KLF12: variants seen among roughly 807,000 people sequenced by gnomAD.
KLF12 encodes the protein Krueppel-like factor 12.
Under a neutral mutation model 37.8 loss-of-function variants are expected in KLF12, and 9 were observed. That is an observed-to-expected ratio of 0.24 (90% CI 0.14 to 0.42). The LOEUF (loss-of-function observed/expected upper bound fraction) is 0.42, where lower values mean the gene tolerates loss of function less well. KLF12 is among the 10% of genes least tolerant of loss of function. The pLI, the probability that KLF12 is intolerant of heterozygous loss-of-function variation, is 1.00. For missense variants in KLF12, 411 were observed against 516.0 expected (o/e 0.80, Z 1.97); for synonymous variants, 208 against 202.1 (o/e 1.03, Z -0.25).
intron 6 of KLF12, among the ~76,000 whole-genome samples, chr13:73,737,805 C>T (rs902976750): frequency 5.9e-5 from 9 of 151,878 alleles, no homozygotes; most frequent in African/African-American, 1.9e-4. Context: ...AGTATGTACA[C>T]TATCAATAAG....
chr13:73,931,302 T>C (rs1889663523), intron 3 of KLF12, among the ~76,000 whole-genome samples: 1 of 152,236 alleles, frequency 6.6e-6, no homozygotes, highest in Admixed American at 6.5e-5. Flanking sequence ...ATTTCACTTA[T>C]TCTTGCTGAA....
chr13:74,123,796 CAGAA>C lies in KLF12; in HGVS notation c.-32+9939_-32+9942del, dbSNP rs1382290051. Among the ~76,000 whole-genome samples the C allele has an allele frequency of 2.0e-5, 3 of 152,172 alleles. No homozygotes were observed. In the East Asian group the frequency reaches 5.8e-4, roughly 29 times the overall value. ...TTACTTATCGAGACTAAATGAAAGT[CAGAA>C]AGACAGTAGTAATTATGCAATGGGA... On this transcript the variant is annotated intron_variant, in intron 1 of 7. Transcript: ENST00000377669.
intron 3 of KLF12, among the ~76,000 whole-genome samples, chr13:73,939,782 C>A (rs1462302658): frequency 6.6e-6 from 1 of 152,128 alleles, no homozygotes; most frequent in Non-Finnish European, 1.5e-5. Flanking sequence ...CAGCTGGTAC[C>A]AGGCTGAATA....
At chr13:74,146,820 A>G in the KLF12 span, among the ~76,000 whole-genome samples, 1 of 152,220 alleles carries the variant, frequency 6.6e-6, no homozygotes, top group Non-Finnish European at 1.5e-5. Context: ...GAGAAAACTA[A>G]GTCCAATGGA....
chr13:73,739,870 A>T (rs1222481753), intron 6 of KLF12, among the ~76,000 whole-genome samples: 2 of 152,248 alleles, frequency 1.3e-5, no homozygotes, highest in African/African-American at 4.8e-5. Flanking sequence ...TATCTTTTAA[A>T]CAAATTGTGT....
At chr13:73,816,908 T>C (rs1418307313) in intron 4 of KLF12, among the ~76,000 whole-genome samples, 1 of 152,132 alleles carries the variant, frequency 6.6e-6, no homozygotes, top group East Asian at 1.9e-4. Context: ...ACCAGCTACA[T>C]TACAGTCACC....
intron 4 of KLF12, among the ~76,000 whole-genome samples, chr13:73,821,025 C>T (rs1356435729): frequency 6.6e-6 from 1 of 152,316 alleles, no homozygotes; most frequent in Non-Finnish European, 1.5e-5. Context: ...AGGATTGAGT[C>T]GTTGTCACAG....
intron 3 of KLF12, among the ~76,000 whole-genome samples, chr13:73,861,486 T>C (rs997395804): frequency 6.6e-6 from 1 of 152,204 alleles, no homozygotes; most frequent in Non-Finnish European, 1.5e-5. Flanking sequence ...AAGGAGTAGT[T>C]ATTAATGGCA....
intron 3 of KLF12, among the ~76,000 whole-genome samples, chr13:73,891,913 T>C (rs565562626): frequency 2.6e-5 from 4 of 152,200 alleles, no homozygotes; most frequent in East Asian, 1.9e-4. Context: ...AAAAGTAACA[T>C]TGTATCAAAA....
At chr13:73,971,442 C>A (rs1460524781) in intron 2 of KLF12, among the ~76,000 whole-genome samples, 1 of 152,084 alleles carries the variant, frequency 6.6e-6, no homozygotes, top group East Asian at 1.9e-4. Context: ...TCTTAGGCAA[C>A]AATGAAATGT....
the KLF12 span, among the ~76,000 whole-genome samples, chr13:74,281,552 T>C: frequency 2.0e-5 from 3 of 152,344 alleles, no homozygotes; most frequent in East Asian, 1.9e-4. Flanking sequence ...CTTTCAACTA[T>C]GTCAAAGCTA....
chr13:73,956,537 T>C (rs910834539), intron 2 of KLF12, among the ~76,000 whole-genome samples: 2 of 152,176 alleles, frequency 1.3e-5, no homozygotes, highest in African/African-American at 4.8e-5. Context: ...CCTTCAGAAA[T>C]AGCCAAATGT....
the KLF12 span, among the ~76,000 whole-genome samples, chr13:74,190,407 G>A: frequency 3.3e-5 from 5 of 152,096 alleles, no homozygotes; most frequent in Non-Finnish European, 7.4e-5. Context: ...CTTACACTAA[G>A]GCTGATCTTC....
chr13:73,728,739 G>A (rs1336820758), intron 6 of KLF12, among the ~76,000 whole-genome samples: 1 of 152,126 alleles, frequency 6.6e-6, no homozygotes, highest in Non-Finnish European at 1.5e-5. Context: ...AATCAGCCTC[G>A]TTTCTGGGGT....
chr13:74,125,144 C>CAAAAAAA (rs71115643), intron 1 of KLF12, among the ~76,000 whole-genome samples: 36 of 121,474 alleles, frequency 3.0e-4, no homozygotes, highest in Admixed American at 8.2e-4. Context: ...GACTCCGTTT[C>CAAAAAAA]AAAAAAAAAA....
intron 1 of KLF12, among the ~76,000 whole-genome samples, chr13:74,094,108 G>GC (rs1593894627): frequency 6.6e-6 from 1 of 152,050 alleles, no homozygotes; most frequent in Admixed American, 6.5e-5. Context: ...GACTACAGGT[G>GC]CCCACCTCTA....
At chr13:73,978,318 C>T (rs1891598066) in intron 2 of KLF12, among the ~76,000 whole-genome samples, 1 of 152,008 alleles carries the variant, frequency 6.6e-6, no homozygotes, top group South Asian at 2.1e-4. Context: ...AGAGACCTCA[C>T]TGAAAAAGAT....
At chr13:74,198,430 T>C in the KLF12 span, among the ~76,000 whole-genome samples, 1 of 152,196 alleles carries the variant, frequency 6.6e-6, no homozygotes, top group African/African-American at 2.4e-5. Flanking sequence ...TGGCACCTTG[T>C]AGACCGGCGC....
chr13:73,788,296 G>C (rs1264099218), intron 5 of KLF12, among the ~76,000 whole-genome samples: 1 of 152,180 alleles, frequency 6.6e-6, no homozygotes, highest in African/African-American at 2.4e-5. Flanking sequence ...AACTGATCTG[G>C]AAGTTACAGT....
Sources: allele counts gnomAD v4.1 joint callset (sites outside exome capture counted in the v4.1 genomes callset), GRCh38; gene constraint gnomAD v4.1.1; transcripts MANE v1.5; gene names NCBI Gene and HGNC (gene_info 2026-07-23, HGNC 2026-07-21).